ERP44: variants seen among roughly 807,000 people sequenced by gnomAD.
ERP44 encodes endoplasmic reticulum resident protein 44.
In ERP44, 25 loss-of-function variants were observed where a neutral mutation model predicts 53.4. The ratio of observed to expected loss-of-function variants is 0.47; its 90% CI spans 0.34 to 0.65. The LOEUF is 0.65. Among genes scored for constraint, ERP44 ranks in the 30% least tolerant of loss-of-function variants. The pLI is 0.01. For missense variants in ERP44, 338 were observed against 493.2 expected (o/e 0.69, Z 2.98); for synonymous variants, 145 against 161.2 (o/e 0.90, Z 0.76).
intron 10 of ERP44, among the ~76,000 whole-genome samples, chr9:99,985,978 C>T (rs1296187119): frequency 2.0e-5 from 3 of 152,220 alleles, no homozygotes; most frequent in African/African-American, 7.2e-5. Flanking sequence ...ACTGACACAA[C>T]TTCACTTTCT....
At chr9:100,067,789 C>T (rs1826236570) in intron 1 of ERP44, among the ~76,000 whole-genome samples, 1 of 151,694 alleles carries the variant, frequency 6.6e-6, no homozygotes, top group Non-Finnish European at 1.5e-5. Flanking sequence ...AAGTGAGGAG[C>T]GTCTCTGCCC....
At chr9:100,078,892 C>T (rs902510692) in intron 1 of ERP44, among the ~76,000 whole-genome samples, 1 of 152,042 alleles carries the variant, frequency 6.6e-6, no homozygotes, top group African/African-American at 2.4e-5. Context: ...GGATTGGTGC[C>T]TTTCAGGTTG....
chr9:100,032,479 T>C (rs774187748), intron 4 of ERP44, among the ~76,000 whole-genome samples: 21 of 152,362 alleles, frequency 1.4e-4, no homozygotes, highest in Middle Eastern at 3.4e-3. Context: ...TTATTTGGTA[T>C]GAAAATCATA....
At position 99,981,511 on chromosome 9, in the gene ERP44, C is replaced by T. The variant is rs1436688392; in HGVS notation, c.*1101G>A. 2 of 152,538 alleles carry T rather than the reference C, an allele frequency of 1.3e-5. No homozygotes were observed. The highest frequency in any genetic ancestry group is 4.8e-5 in the African/African-American group (2 of 41,418). The allele number at this position is 152,538 out of a possible 1,614,324, so 9.4% of individuals were successfully genotyped here. On this transcript the variant is annotated 3_prime_UTR_variant, in exon 12 of 12. Coordinates refer to ENST00000262455, the MANE Select transcript of ERP44 (RefSeq NM_015051.3). Reference sequence around the variant, plus strand: ...CCCAGAGGAAAAGCCAGTTTTGAACCTGTCTGTCCTCTGGCACTGGGCTTC... The same window carrying T: ...CCCAGAGGAAAAGCCAGTTTTGAACTTGTCTGTCCTCTGGCACTGGGCTTC...
chr9:100,096,242 A>G (rs1193495668), intron 1 of ERP44, among the ~76,000 whole-genome samples: 5 of 152,140 alleles, frequency 3.3e-5, no homozygotes, highest in Non-Finnish European at 5.9e-5. Flanking sequence ...CAACCAGTGC[A>G]GGAAAAACAG....
rs192388062 is a variant in ERP44 at position 100,065,272 on chromosome 9, C to T, written c.58-5100G>A. 2.1e-3 allele frequency among the ~76,000 whole-genome samples: 318 copies of T among 152,280 alleles called. 1 individual carries two copies. Among genetic ancestry groups the T allele is most frequent in the Middle Eastern group, 6.8e-3 (2 of 294 alleles). The stretch of plus-strand genomic sequence containing the variant: ...CTACAATATTCAGTACATTAACATA[C>T]TATACAAGTAGCCTAAGAGTAATAG... On this transcript the variant is annotated intron_variant, in intron 1 of 11. Coordinates refer to ENST00000262455, the MANE Select transcript of ERP44 (RefSeq NM_015051.3).
intron 1 of ERP44, among the ~76,000 whole-genome samples, chr9:100,068,509 G>A (rs1239575037): frequency 2.1e-5 from 3 of 143,154 alleles, no homozygotes; most frequent in South Asian, 2.2e-4. Flanking sequence ...CGCCCCGTCC[G>A]GGAGGGAGGT....
rs554734072 is a variant in ERP44, at chr9:99,991,702, T to A, written c.1017-6633A>T. The stretch of plus-strand genomic sequence containing the variant: ...GAGGAGATAGAGACACAAAAACCCC[T>A]TCAAAAAAATCAATGAATCCAGGAG... On this transcript the variant is annotated intron_variant, in intron 10 of 11. Coordinates refer to ENST00000262455, the MANE Select transcript of ERP44 (RefSeq NM_015051.3). 1.8e-3 allele frequency among the ~76,000 whole-genome samples: 272 copies of A among 152,044 alleles called. 6 individuals are homozygous for A. The highest frequency in any genetic ancestry group is 3.2e-4 in the Non-Finnish European group (22 of 67,980).
At chr9:99,998,343 T>G in intron 10 of ERP44, 1 of 544,274 alleles carries the variant, frequency 1.8e-6, no homozygotes, top group Non-Finnish European at 3.4e-6. Flanking sequence ...TCCCCGAACC[T>G]TTTGCCTTGC....
At chr9:100,060,195 A>G (rs1826128781) in intron 1 of ERP44, 23 bp from the exon 2 acceptor site, 6 of 1,475,882 alleles carry the variant, frequency 4.1e-6, no homozygotes, top group Non-Finnish European at 5.4e-6. Context: ...AAAATGAGAA[A>G]TTAATAAATG....
At chr9:100,062,782 C>T (rs980557921) in intron 1 of ERP44, among the ~76,000 whole-genome samples, 4 of 151,898 alleles carry the variant, frequency 2.6e-5, no homozygotes, top group Non-Finnish European at 5.9e-5. Context: ...AAGTTAATAG[C>T]TTTTTACTAG....
At chr9:99,991,684 T>TA (rs1185393670) in intron 10 of ERP44, among the ~76,000 whole-genome samples, 3 of 150,830 alleles carry the variant, frequency 2.0e-5, no homozygotes, top group Non-Finnish European at 3.0e-5. Flanking sequence ...ATGGAGGAGA[T>TA]AGAGACACAA....
At chr9:100,096,381 C>A (rs1036193872) in intron 1 of ERP44, among the ~76,000 whole-genome samples, 4 of 151,460 alleles carry the variant, frequency 2.6e-5, no homozygotes, top group East Asian at 1.9e-4. Context: ...AAATAAAAAT[C>A]TATATAGACG....
In ERP44 at chr9:100,058,179, G is replaced by A. The variant is rs548769836; in HGVS notation, c.131-320C>T. On this transcript the variant is annotated intron_variant, in intron 2 of 11. Transcript: ENST00000262455. ...CAGCCTCAAACTCCTGGGTTGACGT[G>A]ATCCTCCCACTTCACCCTCCCAAGT... Among the ~76,000 whole-genome samples, 9 of 152,184 alleles carry A rather than the reference G, an allele frequency of 5.9e-5. 1 individual carries two copies. In the South Asian group the frequency reaches 1.9e-3, roughly 32 times the overall value.
chr9:99,990,980 T>C (rs558594674), intron 10 of ERP44, among the ~76,000 whole-genome samples: 1 of 152,302 alleles, frequency 6.6e-6, no homozygotes, highest in Admixed American at 6.5e-5. Context: ...CCTAAATACA[T>C]ATGCACCCAA....
chr9:100,093,164 AT>A (rs1278825091), intron 1 of ERP44, among the ~76,000 whole-genome samples: 4 of 152,252 alleles, frequency 2.6e-5, no homozygotes, highest in African/African-American at 9.6e-5. Context: ...CTATAATGCT[AT>A]TAAAAATCAC....
intron 4 of ERP44, among the ~76,000 whole-genome samples, chr9:100,045,347 T>C (rs556703948): frequency 6.6e-6 from 1 of 152,332 alleles, no homozygotes; most frequent in Admixed American, 6.5e-5. Context: ...TCAGAATAGA[T>C]ATCACAATTT....
intron 4 of ERP44, among the ~76,000 whole-genome samples, chr9:100,024,468 A>G (rs1387831288): frequency 2.0e-5 from 3 of 146,996 alleles, no homozygotes; most frequent in Non-Finnish European, 4.5e-5. Context: ...ACATGTCTAT[A>G]TATGTTTGCT....
intron 10 of ERP44, among the ~76,000 whole-genome samples, chr9:100,001,209 T>C (rs1024216007): frequency 6.6e-6 from 1 of 152,204 alleles, no homozygotes; most frequent in Non-Finnish European, 1.5e-5. Context: ...AGAAAAGATA[T>C]TTGATACAAT....
Sources: allele counts gnomAD v4.1 joint callset (sites outside exome capture counted in the v4.1 genomes callset), GRCh38; gene constraint gnomAD v4.1.1; transcripts MANE v1.5; gene names NCBI Gene and HGNC (gene_info 2026-07-23, HGNC 2026-07-21).